Variants in BICRAL observed in about 807,000 individuals in gnomAD.
BICRAL encodes the protein BRD4-interacting chromatin-remodeling complex-associated protein-like.
A neutral mutation model predicts 91.8 loss-of-function variants in BICRAL; 8 were observed. That is an observed-to-expected ratio of 0.09 (90% confidence interval 0.05 to 0.16). The LOEUF (loss-of-function observed/expected upper bound fraction) is 0.16, where lower values mean the gene tolerates loss of function less well. Among genes scored for constraint, BICRAL ranks in the 10% least tolerant of loss-of-function variants. The pLI is 1.00. For synonymous variants in BICRAL, 445 were observed against 491.1 expected, an observed-to-expected ratio of 0.91 and a Z score of 1.24; for missense variants, 1,038 against 1,310.9, an observed-to-expected ratio of 0.79 and a Z score of 3.21.
intron 5 of BICRAL, among the ~76,000 whole-genome samples, chr6:42,825,892 G>A (rs1764285897): frequency 1.3e-5 from 2 of 152,060 alleles, no homozygotes; most frequent in South Asian, 2.1e-4. Flanking sequence ...GACCAGCCTG[G>A]CCAACATGGC....
chr6:42,748,976 T>C (rs995303181), intron 1 of BICRAL, among the ~76,000 whole-genome samples: 33 of 152,168 alleles, frequency 2.2e-4, no homozygotes, highest in African/African-American at 7.2e-4. Context: ...GGGGGAAATG[T>C]AGCAAAAGGC....
intron 1 of BICRAL, among the ~76,000 whole-genome samples, chr6:42,783,429 T>TG (rs966149595): frequency 3.3e-5 from 5 of 151,528 alleles, no homozygotes; most frequent in Middle Eastern, 3.4e-3. Context: ...GGATATTGGG[T>TG]GGGGGGGTGC....
In BICRAL at chr6:42,816,206, GA is replaced by G. The variant is rs11369661; in HGVS notation, c.-5-5800del. 3.0e-3 allele frequency among the ~76,000 whole-genome samples: 420 copies of G among 139,174 alleles called. 2 individuals are homozygous for G. Among genetic ancestry groups the G allele is most frequent in the Middle Eastern group, 0.011 (3 of 274 alleles). 91.3% of individuals were successfully genotyped at this position (139,174 alleles called of 152,430 possible). ...GACCTCGTCTCTACCAAAAAAAAAT[GA>G]AAAAAAAAAAAGTTCTAAGTATTTA... On this transcript the variant is annotated intron_variant, in intron 2 of 12. Coordinates refer to ENST00000314073, the MANE Select transcript of BICRAL (RefSeq NM_001393499.1).
chr6:42,767,238 G>A (rs928519624), intron 1 of BICRAL, among the ~76,000 whole-genome samples: 6 of 152,112 alleles, frequency 3.9e-5, no homozygotes, highest in Admixed American at 2.0e-4. Context: ...TTGTATGTGT[G>A]TGGATTTGTC....
Position 42,851,923 on chromosome 6 carries a change from T to A in BICRAL, c.1840-169T>A, listed in dbSNP as rs1196406603. 3.3e-5 allele frequency among the ~76,000 whole-genome samples: 5 copies of A among 152,196 alleles called. No homozygotes were observed. In the East Asian group the frequency reaches 9.6e-4, roughly 29 times the overall value. ...CCTGCAGATTGTTAAAGGATGTACT[T>A]TGCAGTTCCCCTGAAGTGATAAGAA... On this transcript the variant is annotated intron_variant, in intron 6 of 12. Coordinates refer to ENST00000314073, the MANE Select transcript of BICRAL (RefSeq NM_001393499.1).
At chr6:42,832,248 T>C (rs1272324011) in intron 6 of BICRAL, among the ~76,000 whole-genome samples, 1 of 151,348 alleles carries the variant, frequency 6.6e-6, no homozygotes, top group African/African-American at 2.4e-5. Context: ...CTTAGGAGGC[T>C]GAGGCAGGAG....
At chr6:42,764,050 T>C (rs1227868945) in intron 1 of BICRAL, among the ~76,000 whole-genome samples, 1 of 146,630 alleles carries the variant, frequency 6.8e-6, no homozygotes, top group Admixed American at 6.9e-5. Flanking sequence ...AAGACCAGCC[T>C]GGCCAACATG....
chr6:42,753,680 T>G (rs1025636808), intron 1 of BICRAL, among the ~76,000 whole-genome samples: 15 of 152,114 alleles, frequency 9.9e-5, no homozygotes, highest in Admixed American at 9.2e-4. Context: ...GGCACGACCT[T>G]GGCTCAGTGC....
intron 1 of BICRAL, among the ~76,000 whole-genome samples, chr6:42,775,860 G>A (rs1762800568): frequency 1.3e-5 from 2 of 152,124 alleles, no homozygotes; most frequent in Admixed American, 6.5e-5. Context: ...ATAAAATAAT[G>A]TAGGCAAGGT....
At chr6:42,791,742 G>C (rs544656475) in intron 1 of BICRAL, among the ~76,000 whole-genome samples, 4 of 152,094 alleles carry the variant, frequency 2.6e-5, no homozygotes, top group South Asian at 2.1e-4. Context: ...AGGACTATAG[G>C]TGTGAACCAC....
At chr6:42,764,988 C>T (rs1762611899) in intron 1 of BICRAL, among the ~76,000 whole-genome samples, 1 of 152,102 alleles carries the variant, frequency 6.6e-6, no homozygotes, top group South Asian at 2.1e-4. Flanking sequence ...GTTAGAAAAA[C>T]GTTTTGTGAA....
intron 1 of BICRAL, among the ~76,000 whole-genome samples, chr6:42,806,753 G>A (rs989455711): frequency 5.3e-5 from 8 of 151,908 alleles, no homozygotes; most frequent in Admixed American, 6.6e-5. Flanking sequence ...GAACTCAAGC[G>A]ATCTGCTCAC....
chr6:42,859,419 A>T (rs1415806792), intron 10 of BICRAL, among the ~76,000 whole-genome samples: 3 of 151,122 alleles, frequency 2.0e-5, no homozygotes, highest in African/African-American at 7.3e-5. Flanking sequence ...AGTGGGTGTG[A>T]AGACTGAGAA....
At chr6:42,786,529 G>T (rs1763108023) in intron 1 of BICRAL, among the ~76,000 whole-genome samples, 1 of 152,126 alleles carries the variant, frequency 6.6e-6, no homozygotes, top group Admixed American at 6.5e-5. Context: ...CTTTAACCTT[G>T]TTGGAATTTT....
At chr6:42,747,805 GT>G (rs56209754) in intron 1 of BICRAL, among the ~76,000 whole-genome samples, 17,572 of 124,940 alleles carry the variant, frequency 0.14, 760 homozygotes, top group South Asian at 0.19. Flanking sequence ...GTTTTATTTT[GT>G]TTTTTTTTTT....
chr6:42,758,329 A>G (rs1762491185), intron 1 of BICRAL, among the ~76,000 whole-genome samples: 1 of 151,490 alleles, frequency 6.6e-6, no homozygotes. Context: ...TACAGTTCAG[A>G]CTCCTTAGTG....
intron 5 of BICRAL, among the ~76,000 whole-genome samples, chr6:42,828,180 G>A (rs1299508941): frequency 5.3e-5 from 8 of 152,018 alleles, no homozygotes; most frequent in Non-Finnish European, 7.4e-5. Context: ...TTGGGAGGCC[G>A]AGGCGGGCAG....
rs780209242 is a variant in BICRAL, at chr6:42,829,977, T to A, written c.1644T>A (p.Thr548=). 3.7e-6 allele frequency: 6 copies of A among 1,614,110 alleles called. No individual in the cohort carries two copies. Among genetic ancestry groups the A allele is most frequent in the Non-Finnish European group, 5.1e-6 (6 of 1,180,038 alleles). The part of the protein sequence containing the change: ...SRFPAVSSAS[T]AHPSLGSAVQ... ...TCCCTGCTGTCAGCTCAGCCAGCAC[T>A]GCCCATCCTAGTCTTGGGTCTGCAG... Residue 548 remains threonine (T), a synonymous_variant, in exon 6 of 13, where the codon ACT becomes ACA. Transcript: ENST00000314073.
intron 1 of BICRAL, among the ~76,000 whole-genome samples, chr6:42,757,373 T>C (rs1218856079): frequency 6.6e-6 from 1 of 151,770 alleles, no homozygotes; most frequent in Non-Finnish European, 1.5e-5. Flanking sequence ...TGCCTCAGCC[T>C]CCTGAGTAGC....
Sources: gnomAD v4.1 joint callset for allele counts (sites outside exome capture counted in the v4.1 genomes callset) on GRCh38, gnomAD v4.1.1 for gene constraint, MANE v1.5 for transcripts, NCBI Gene and HGNC (gene_info 2026-07-23, HGNC 2026-07-21) for gene names.